Variants in NAALADL2 observed in about 807,000 individuals in gnomAD.
NAALADL2 encodes N-acetylated alpha-linked acidic dipeptidase like 2.
A neutral mutation model predicts 87.2 loss-of-function variants in NAALADL2; 76 were observed. The observed-to-expected ratio is 0.87, with a 90% CI of 0.72 to 1.05. The LOEUF (loss-of-function observed/expected upper bound fraction) is 1.05, where lower values mean the gene tolerates loss of function less well. NAALADL2 is among the 50% of genes least tolerant of loss of function. The pLI is 0.00. For missense variants in NAALADL2, 1,089 were observed against 945.8 expected, an observed-to-expected ratio of 1.15 and a Z score of -1.99; for synonymous variants, 354 against 331.0, an observed-to-expected ratio of 1.07 and a Z score of -0.75.
intron 2 of NAALADL2, among the ~76,000 whole-genome samples, chr3:174,562,858 A>G (rs1006622765): frequency 2.0e-5 from 3 of 152,102 alleles, no homozygotes; most frequent in Admixed American, 1.3e-4. Flanking sequence ...TGTGCTCACT[A>G]TAAAGATTCA....
chr3:175,347,889 G>A (rs879364031), intron 5 of NAALADL2, among the ~76,000 whole-genome samples: 9 of 151,908 alleles, frequency 5.9e-5, no homozygotes, highest in Admixed American at 1.3e-4. Flanking sequence ...TCCTCTAGCC[G>A]TGCAACCTCC....
chr3:175,058,101 G>C (rs1712616824), intron 1 of NAALADL2, among the ~76,000 whole-genome samples: 1 of 152,104 alleles, frequency 6.6e-6, no homozygotes, highest in Non-Finnish European at 1.5e-5. Context: ...TGACAATTTG[G>C]TAAACTTCTA....
intron 9 of NAALADL2, among the ~76,000 whole-genome samples, chr3:175,493,934 AT>A (rs1382519364): frequency 6.6e-6 from 1 of 152,134 alleles, no homozygotes; most frequent in Non-Finnish European, 1.5e-5. Context: ...ACTAAGTAGG[AT>A]TAGCTTGGAT....
chr3:175,330,817 C>G (rs1280005448), intron 5 of NAALADL2, among the ~76,000 whole-genome samples: 4 of 151,756 alleles, frequency 2.6e-5, no homozygotes, highest in Non-Finnish European at 1.5e-5. Context: ...CAGAGTAGAA[C>G]TAAAGGAACT....
intron 9 of NAALADL2, among the ~76,000 whole-genome samples, chr3:175,562,949 GA>G (rs1278663421): frequency 1.3e-5 from 1 of 74,544 alleles, no homozygotes; most frequent in Non-Finnish European, 4.0e-5. Flanking sequence ...AAAAATATAG[GA>G]GGGGTGTGTG....
chr3:175,013,187 AAT>A lies in NAALADL2; in HGVS notation c.44-83595_44-83594del, dbSNP rs1419134207. 7.4e-5 allele frequency among the ~76,000 whole-genome samples: 7 copies of A among 93,998 alleles called. 1 individual carries two copies. Among genetic ancestry groups the A allele is most frequent in the East Asian group, 2.6e-4 (1 of 3,876 alleles). 61.7% of individuals were successfully genotyped at this position (93,998 alleles called of 152,430 possible). On this transcript the variant is annotated intron_variant, in intron 1 of 13. Coordinates refer to ENST00000454872, the MANE Select transcript of NAALADL2 (RefSeq NM_207015.3). Reference sequence around the variant, plus strand: ...AATATGTAATACATATTTATATATAAATATATATACATAAATATATAATATAT... The same window carrying A: ...AATATGTAATACATATTTATATATAAATATATACATAAATATATAATATAT...
At chr3:175,484,433 A>G (rs763511923) in intron 9 of NAALADL2, among the ~76,000 whole-genome samples, 1 of 152,126 alleles carries the variant, frequency 6.6e-6, no homozygotes, top group Non-Finnish European at 1.5e-5. Flanking sequence ...ATGCCACTGT[A>G]TGGATATTGT....
intron 10 of NAALADL2, among the ~76,000 whole-genome samples, chr3:175,618,327 T>G (rs1725643464): frequency 6.6e-6 from 1 of 151,938 alleles, no homozygotes; most frequent in African/African-American, 2.4e-5. Flanking sequence ...GAAACGAGGA[T>G]TTCTAGGATC....
intron 1 of NAALADL2, among the ~76,000 whole-genome samples, chr3:174,468,829 C>T (rs868446020): frequency 4.3e-4 from 63 of 148,032 alleles, no homozygotes; most frequent in African/African-American, 1.5e-3. Flanking sequence ...GTGGCGCGAT[C>T]TAGGCTCACT....
At chr3:174,492,743 T>G (rs1455004544) in intron 1 of NAALADL2, among the ~76,000 whole-genome samples, 2 of 152,236 alleles carry the variant, frequency 1.3e-5, no homozygotes, top group African/African-American at 2.4e-5. Flanking sequence ...CTTCCAACAG[T>G]GCTCATTACT....
At chr3:175,232,356 G>A (rs1745110347) in intron 2 of NAALADL2, among the ~76,000 whole-genome samples, 1 of 152,028 alleles carries the variant, frequency 6.6e-6, no homozygotes, top group East Asian at 1.9e-4. Flanking sequence ...TTCCTGTGTA[G>A]GCCACCTTGT....
At chr3:175,265,312 T>C (rs1751740279) in intron 4 of NAALADL2, among the ~76,000 whole-genome samples, 1 of 151,728 alleles carries the variant, frequency 6.6e-6, no homozygotes, top group Non-Finnish European at 1.5e-5. Flanking sequence ...AAACTGACTT[T>C]GTGATTTAGC....
At chr3:175,443,030 G>T (rs1485874440) in intron 5 of NAALADL2, among the ~76,000 whole-genome samples, 1 of 152,124 alleles carries the variant, frequency 6.6e-6, no homozygotes, top group Non-Finnish European at 1.5e-5. Context: ...TCTTAATAAT[G>T]TAAGAAGATA....
intron 10 of NAALADL2, 41 bp from the exon 11 acceptor site, chr3:175,627,249 TC>T: frequency 6.9e-7 from 1 of 1,448,652 alleles, no homozygotes; most frequent in Non-Finnish European, 9.4e-7. Flanking sequence ...AAAAACAAAA[TC>T]GATAAAGAGT....
intron 1 of NAALADL2, among the ~76,000 whole-genome samples, chr3:174,464,755 TATTAG>T (rs987480934): frequency 6.6e-6 from 1 of 152,026 alleles, no homozygotes; most frequent in Non-Finnish European, 1.5e-5. Context: ...ATTTATATTT[TATTAG>T]ATTAAATATT....
intron 9 of NAALADL2, among the ~76,000 whole-genome samples, chr3:175,525,390 T>A (rs1484070585): frequency 1.3e-5 from 2 of 152,158 alleles, no homozygotes; most frequent in African/African-American, 4.8e-5. Flanking sequence ...CCACTCACTG[T>A]CAATTTACTT....
At chr3:175,570,573 A>T (rs1307878432) in intron 9 of NAALADL2, among the ~76,000 whole-genome samples, 1 of 152,110 alleles carries the variant, frequency 6.6e-6, no homozygotes, top group Non-Finnish European at 1.5e-5. Flanking sequence ...ACTATAACTG[A>T]AACGAAAAGA....
chr3:175,559,901 C>T (rs6809505), intron 9 of NAALADL2, among the ~76,000 whole-genome samples: 19,655 of 152,110 alleles, frequency 0.13, 1,366 homozygotes, highest in Middle Eastern at 0.17. Flanking sequence ...TTTCCTTTCT[C>T]TTTTTATGTG....
chr3:174,675,878 C>A lies in NAALADL2; in HGVS notation c.-114-61763C>A, dbSNP rs74988683. ...CACAGTAAATTCCAATGTCCACAGA[C>A]AACCTCCTAGAAAATGAAGAAATTG... On this transcript the variant is annotated intron_variant, in intron 2 of 3. Transcript: ENST00000434257. Among the ~76,000 whole-genome samples, 243 of 152,168 alleles carry A rather than the reference C, an allele frequency of 1.6e-3. No individual in the cohort carries two copies. The East Asian group carries it at 0.022, about 14-fold the overall frequency.
Sources: gnomAD v4.1 joint callset for allele counts (sites outside exome capture counted in the v4.1 genomes callset) on GRCh38, gnomAD v4.1.1 for gene constraint, MANE v1.5 for transcripts, NCBI Gene and HGNC (gene_info 2026-07-23, HGNC 2026-07-21) for gene names.